IL1RAPL1: variants seen among roughly 807,000 people sequenced by gnomAD.
The protein encoded by IL1RAPL1 is interleukin-1 receptor accessory protein-like 1.
A neutral mutation model predicts 48.4 loss-of-function variants in IL1RAPL1; 3 were observed. The observed-to-expected ratio is 0.06, with a 90% CI of 0.03 to 0.16. IL1RAPL1 has a LOEUF of 0.16. Ranked by LOEUF, IL1RAPL1 falls within the 10% of genes least tolerant of loss-of-function variation. IL1RAPL1 has a pLI of 1.00. For synonymous variants in IL1RAPL1, 185 were observed against 187.7 expected (o/e 0.99, Z 0.12); for missense variants, 349 against 530.6 (o/e 0.66, Z 3.36).
At chrX:28,873,570 C>G (rs1432068512) in intron 2 of IL1RAPL1, among the ~76,000 whole-genome samples, 1 of 83,071 alleles carries the variant, frequency 1.2e-5, no homozygotes, top group Non-Finnish European at 2.2e-5. Context: ...CTCGCTCTGT[C>G]GCCCAGGCTG....
chrX:29,841,987 A>G (rs1334964261), intron 6 of IL1RAPL1, among the ~76,000 whole-genome samples: 1 of 112,085 alleles, frequency 8.9e-6, no homozygotes, highest in Non-Finnish European at 1.9e-5. Context: ...TTCCCAGGGG[A>G]GTCACACAGA....
intron 6 of IL1RAPL1, among the ~76,000 whole-genome samples, chrX:29,799,700 T>C (rs189256219): frequency 0.015 from 1,665 of 112,206 alleles, 29 homozygotes; most frequent in African/African-American, 0.051. Flanking sequence ...GCTACCATAG[T>C]GGACAGTGAA....
intron 5 of IL1RAPL1, among the ~76,000 whole-genome samples, chrX:29,554,840 A>T (rs1394648854): frequency 8.9e-6 from 1 of 112,297 alleles, no homozygotes; most frequent in Non-Finnish European, 1.9e-5. Flanking sequence ...GGAGTGGGCC[A>T]TGTGTATACT....
chrX:28,875,319 C>T (rs1019656075), intron 2 of IL1RAPL1, among the ~76,000 whole-genome samples: 1 of 111,606 alleles, frequency 9.0e-6, no homozygotes, highest in African/African-American at 3.3e-5. Flanking sequence ...AATGAATGCT[C>T]CAAAAGTAGA....
intron 9 of IL1RAPL1, among the ~76,000 whole-genome samples, chrX:29,952,546 AATT>A (rs992035088): frequency 2.7e-5 from 3 of 112,078 alleles, no homozygotes; most frequent in Non-Finnish European, 5.6e-5. Flanking sequence ...TATTTTAATT[AATT>A]ATTAACCGAT....
chrX:28,658,977 A>ATT, intron 1 of IL1RAPL1: 1 of 317,569 alleles, frequency 3.1e-6, no homozygotes, highest in Non-Finnish European at 5.1e-6. Flanking sequence ...CATGGAAAAA[A>ATT]ATTAACGTTC....
intron 1 of IL1RAPL1, among the ~76,000 whole-genome samples, chrX:28,693,100 T>C (rs1431742088): frequency 8.9e-6 from 1 of 112,260 alleles, no homozygotes; most frequent in East Asian, 2.8e-4. Context: ...TTTTTAATTC[T>C]TTAGAAAGAC....
chrX:29,806,141 T>G (rs1271290121), intron 6 of IL1RAPL1, among the ~76,000 whole-genome samples: 7 of 111,145 alleles, frequency 6.3e-5, no homozygotes, highest in Non-Finnish European at 1.3e-4. Context: ...ATTACAAATA[T>G]GTAATAAGGA....
intron 5 of IL1RAPL1, among the ~76,000 whole-genome samples, chrX:29,459,647 T>C (rs1934779907): frequency 8.9e-6 from 1 of 111,765 alleles, no homozygotes; most frequent in Admixed American, 9.5e-5. Context: ...ATTTCTTTAA[T>C]TGACAAAAAT....
intron 2 of IL1RAPL1, among the ~76,000 whole-genome samples, chrX:29,000,569 A>C (rs1925827815): frequency 8.9e-6 from 1 of 111,992 alleles, no homozygotes. Flanking sequence ...TCTATATTAT[A>C]GACTCTGATA....
At chrX:29,758,066 ATTTAT>A (rs1928662534) in intron 6 of IL1RAPL1, among the ~76,000 whole-genome samples, 1 of 111,787 alleles carries the variant, frequency 8.9e-6, no homozygotes, top group African/African-American at 3.2e-5. Context: ...CTATATTATT[ATTTAT>A]TTTATTTGCC....
intron 5 of IL1RAPL1, among the ~76,000 whole-genome samples, chrX:29,558,870 A>T (rs1922092776): frequency 9.0e-6 from 1 of 111,232 alleles, no homozygotes; most frequent in South Asian, 3.7e-4. Context: ...TGAGATCTTT[A>T]TTGTGTTTCA....
At chrX:28,684,978 C>T (rs1405630130) in intron 1 of IL1RAPL1, among the ~76,000 whole-genome samples, 1 of 111,656 alleles carries the variant, frequency 9.0e-6, no homozygotes, top group Non-Finnish European at 1.9e-5. Context: ...AGCAACAAAA[C>T]AAACCAAAAT....
chrX:29,841,762 A>G (rs1044250984), intron 6 of IL1RAPL1, among the ~76,000 whole-genome samples: 2 of 111,788 alleles, frequency 1.8e-5, no homozygotes, highest in African/African-American at 3.2e-5. Flanking sequence ...GTGGCTTCAC[A>G]TAGAAGGAGC....
intron 5 of IL1RAPL1, among the ~76,000 whole-genome samples, chrX:29,424,318 G>GA (rs10711871): frequency 4.9e-4 from 48 of 98,304 alleles, no homozygotes; most frequent in Middle Eastern, 5.1e-3. Flanking sequence ...AGGCTGGAAA[G>GA]AAAAAAAAAA....
At chrX:29,710,560 C>T (rs1463244894) in intron 6 of IL1RAPL1, among the ~76,000 whole-genome samples, 8 of 104,619 alleles carry the variant, frequency 7.6e-5, no homozygotes, top group South Asian at 4.2e-4. Flanking sequence ...AGTAGTAATA[C>T]GTCTTTGTAT....
chrX:28,667,330 AT>A (rs1295809221), intron 1 of IL1RAPL1, among the ~76,000 whole-genome samples: 1 of 112,139 alleles, frequency 8.9e-6, no homozygotes, highest in Non-Finnish European at 1.9e-5. Flanking sequence ...TTAAGTATAA[AT>A]TTCATGTTTC....
intron 1 of IL1RAPL1, among the ~76,000 whole-genome samples, chrX:28,598,164 T>C (rs1160442825): frequency 8.9e-6 from 1 of 112,458 alleles, no homozygotes; most frequent in East Asian, 2.8e-4. Flanking sequence ...GAGTAGAATG[T>C]ACATTCAGTA....
intron 1 of IL1RAPL1, among the ~76,000 whole-genome samples, chrX:28,788,149 CCA>C (rs1329825406): frequency 9.0e-6 from 1 of 111,495 alleles, no homozygotes; most frequent in Non-Finnish European, 1.9e-5. Flanking sequence ...TTAAGTCTTA[CCA>C]CACACAAAAA....
Sources: gnomAD v4.1 joint callset for allele counts (sites outside exome capture counted in the v4.1 genomes callset) on GRCh38, gnomAD v4.1.1 for gene constraint, MANE v1.5 for transcripts, NCBI Gene and HGNC (gene_info 2026-07-23, HGNC 2026-07-21) for gene names.